ATP5F1C: variants seen among roughly 807,000 people sequenced by gnomAD.
ATP5F1C encodes ATP synthase F1 subunit gamma, also known as ATP synthase F(1) complex subunit gamma, mitochondrial.
In ATP5F1C, 22 loss-of-function variants were observed where a neutral mutation model predicts 37.4. That is an observed-to-expected ratio of 0.59 (90% CI 0.42 to 0.84). The LOEUF (loss-of-function observed/expected upper bound fraction) is 0.84, where lower values mean the gene tolerates loss of function less well. Among genes scored for constraint, ATP5F1C ranks in the 40% least tolerant of loss-of-function variants. ATP5F1C has a pLI of 0.00. For synonymous variants in ATP5F1C, 121 were observed against 128.0 expected, an observed-to-expected ratio of 0.95 and a Z score of 0.37; for missense variants, 286 against 362.4, an observed-to-expected ratio of 0.79 and a Z score of 1.71.
At chr10:7,796,953 A>T in intron 2 of ATP5F1C, 94 bp from the exon 3 acceptor site, 1 of 1,364,052 alleles carries the variant, frequency 7.3e-7, no homozygotes, top group Non-Finnish European at 1.0e-6. Context: ...AGCGCTCATT[A>T]TTCTGCCTTG....
intron 3 of ATP5F1C, 96 bp downstream of exon 3, chr10:7,797,274 C>G: frequency 6.8e-7 from 1 of 1,473,338 alleles, no homozygotes; most frequent in East Asian, 2.3e-5. Context: ...GATGTCAAGC[C>G]TATCTGAGCA....
intron 8 of ATP5F1C, among the ~76,000 whole-genome samples, chr10:7,805,221 T>G (rs1002174971): frequency 2.6e-5 from 4 of 152,216 alleles, no homozygotes; most frequent in South Asian, 2.1e-4. Context: ...AAACCTTCTA[T>G]TAGCCATTAT....
chr10:7,806,833 G>A, intron 8 of ATP5F1C, 141 bp from the exon 9 acceptor site: 2 of 622,236 alleles, frequency 3.2e-6, no homozygotes, highest in Admixed American at 2.8e-5. Context: ...CTTGTGGTAA[G>A]TATTTTTGCA....
At chr10:7,788,663 A>G (rs937444343) in intron 1 of ATP5F1C, among the ~76,000 whole-genome samples, 10 of 152,160 alleles carry the variant, frequency 6.6e-5, no homozygotes, top group Non-Finnish European at 1.2e-4. Context: ...GCAATAGCCC[A>G]GGGGAAGGTT....
chr10:7,806,648 C>T (rs7902363), intron 8 of ATP5F1C, among the ~76,000 whole-genome samples: 13,092 of 140,176 alleles, frequency 0.093, 744 homozygotes, highest in Admixed American at 0.15. Flanking sequence ...AACAAGACTC[C>T]ATCTCCAAAA....
At chr10:7,798,229 TTTG>T (rs1011994111) in intron 3 of ATP5F1C, among the ~76,000 whole-genome samples, 24 of 151,908 alleles carry the variant, frequency 1.6e-4, no homozygotes, top group Admixed American at 5.9e-4. Context: ...TTGTTTTTTG[TTTG>T]TTTTCTTTTT....
At chr10:7,807,505 A>T (rs2131082575) in intron 9 of ATP5F1C, among the ~76,000 whole-genome samples, 154 bp from the exon 10 acceptor site, 1 of 152,382 alleles carries the variant, frequency 6.6e-6, no homozygotes, top group South Asian at 2.1e-4. Flanking sequence ...AAGGTTCCCC[A>T]GACCAAAATT....
chr10:7,798,438 G>C lies in ATP5F1C; in HGVS notation c.224-552G>C, dbSNP rs141794606. On this transcript the variant is annotated intron_variant, in intron 3 of 9. Transcript: ENST00000356708. Reference sequence around the variant, plus strand: ...TTTTTTTTTTCTGAGTCGGAGTCTAGCTCTGTCTCCCGGGATGGAGTGCAG... The same window carrying C: ...TTTTTTTTTTCTGAGTCGGAGTCTACCTCTGTCTCCCGGGATGGAGTGCAG... Among the ~76,000 whole-genome samples, 542 of 151,666 alleles carry C rather than the reference G, an allele frequency of 3.6e-3. 5 individuals carry two copies. Among genetic ancestry groups the C allele is most frequent in the African/African-American group, 0.012 (510 of 41,304 alleles).
intron 8 of ATP5F1C, chr10:7,804,031 T>C: frequency 1.9e-6 from 1 of 514,412 alleles, no homozygotes; most frequent in South Asian, 1.4e-5. Flanking sequence ...TAACAGTATT[T>C]GCCTTCAGAG....
At chr10:7,799,534 G>A (rs1836310401) in intron 4 of ATP5F1C, 2 of 576,218 alleles carry the variant, frequency 3.5e-6, no homozygotes, top group African/African-American at 1.9e-5. Context: ...ATTAGGATTA[G>A]AAGGAGAGGA....
intron 1 of ATP5F1C, 50 bp downstream of exon 1, chr10:7,788,313 T>G (rs1380384731): frequency 1.2e-6 from 2 of 1,602,918 alleles, no homozygotes; most frequent in Non-Finnish European, 1.7e-6. Flanking sequence ...ATGGAAGAGC[T>G]TGGGCACGGG....
At chr10:7,803,535 T>C (rs1353578173) in intron 8 of ATP5F1C, among the ~76,000 whole-genome samples, 1 of 152,226 alleles carries the variant, frequency 6.6e-6, no homozygotes, top group African/African-American at 2.4e-5. Flanking sequence ...TTTCCAAATA[T>C]TTTACATCGG....
chr10:7,806,033 C>G (rs1436020989), intron 8 of ATP5F1C, among the ~76,000 whole-genome samples: 1 of 152,146 alleles, frequency 6.6e-6, no homozygotes, highest in East Asian at 1.9e-4. Context: ...CTGCGGTGAG[C>G]TATGATCGTG....
chr10:7,797,326 T>A, intron 3 of ATP5F1C, 148 bp downstream of exon 3: 1 of 1,002,556 alleles, frequency 1.0e-6, no homozygotes, highest in Non-Finnish European at 1.4e-6. Context: ...ACTTGACACG[T>A]AATGATAACA....
rs757045727 is a variant in ATP5F1C, at chr10:7,799,177, C to A, written c.411C>A (p.Ile137=). Residue 137 remains isoleucine (I), a synonymous_variant, in exon 4 of 10, where the codon ATC becomes ATA. Coordinates refer to ENST00000356708, the MANE Select transcript of ATP5F1C (RefSeq NM_001001973.3). ...TGCTTGTTGGAATTGGTGACAAAAT[C>A]AGAGGCATACTTTATAGGTAATTTA... is the stretch of plus-strand genomic sequence containing the variant. ...EVMLVGIGDK[I]RGILYRTHSD... The A allele has an allele frequency of 6.2e-7, 1 of 1,613,806 alleles. No individual in the cohort carries two copies. Among genetic ancestry groups the A allele is most frequent in the South Asian group, 1.1e-5 (1 of 91,006 alleles).
intron 4 of ATP5F1C, chr10:7,799,416 T>A (rs921481523): frequency 1.1e-5 from 6 of 567,338 alleles, no homozygotes; most frequent in Non-Finnish European, 1.9e-5. Flanking sequence ...CTTTGCTTCT[T>A]CATCCGGATC....
chr10:7,799,423 G>C (rs1461616083), intron 4 of ATP5F1C: 1 of 565,842 alleles, frequency 1.8e-6, no homozygotes, highest in Non-Finnish European at 3.1e-6. Context: ...TCTTCATCCG[G>C]ATCATAAGTT....
rs1836315966 is a variant in ATP5F1C at position 7,799,767 on chromosome 10, T to C, written c.429-5T>C. 1 of 1,612,500 alleles carries C rather than the reference T, an allele frequency of 6.2e-7. No homozygotes were observed. Among genetic ancestry groups the C allele is most frequent in the Admixed American group, 1.7e-5 (1 of 59,446 alleles). ...TAGCTATGTGAGCTCTTGCTTTTCT[T>C]ATAGGACTCATTCTGACCAGTTTCT... On this transcript the variant is annotated splice_polypyrimidine_tract_variant and splice_region_variant and intron_variant, in intron 4 of 9. Transcript: ENST00000356708.
intron 6 of ATP5F1C, among the ~76,000 whole-genome samples, chr10:7,800,973 A>G (rs990016111): frequency 6.6e-6 from 1 of 152,240 alleles, no homozygotes; most frequent in Admixed American, 6.5e-5. Flanking sequence ...CTGGCTTTGC[A>G]AGTTATGTTT....
Sources: allele counts gnomAD v4.1 joint callset (sites outside exome capture counted in the v4.1 genomes callset), GRCh38; gene constraint gnomAD v4.1.1; transcripts MANE v1.5; gene names NCBI Gene and HGNC (gene_info 2026-07-23, HGNC 2026-07-21).